Variants in ARF1 observed in about 807,000 individuals in gnomAD.
The protein encoded by ARF1 is ARF GTPase 1.
A neutral mutation model predicts 18.0 loss-of-function variants in ARF1; 1 was observed. The ratio of observed to expected loss-of-function variants is 0.06; its 90% CI spans 0.02 to 0.26. The LOEUF is 0.26. Among genes scored for constraint, ARF1 ranks in the 10% least tolerant of loss-of-function variants. The pLI is 1.00. For synonymous variants in ARF1, 112 were observed against 96.3 expected (o/e 1.16, Z -0.95); for missense variants, 73 against 247.2 (o/e 0.30, Z 4.73).
rs142007288 is a variant in ARF1 at position 228,087,335 on chromosome 1, G to A, written c.-38+4570G>A. 5.9e-4 allele frequency among the ~76,000 whole-genome samples: 90 copies of A among 152,356 alleles called. No individual in the cohort carries two copies. The East Asian group carries it at 0.017, about 28-fold the overall frequency. Reference sequence around the variant, plus strand: ...TATACTCATCCTGGGGATTGGGAACGGAGGCAGTTAGATGTGCCTGTGCTT... The same window carrying A: ...TATACTCATCCTGGGGATTGGGAACAGAGGCAGTTAGATGTGCCTGTGCTT... On this transcript the variant is annotated intron_variant, in intron 1 of 4. Coordinates refer to ENST00000272102, the MANE Select transcript of ARF1 (RefSeq NM_001658.4).
At chr1:228,095,421 G>T (rs549260892) in intron 1 of ARF1, among the ~76,000 whole-genome samples, 4 of 152,322 alleles carry the variant, frequency 2.6e-5, no homozygotes, top group African/African-American at 9.6e-5. Context: ...TGCTGCAGCT[G>T]CTCCCCTAGA....
chr1:228,098,820 C>G lies in ARF1; in HGVS notation c.*807C>G, dbSNP rs1050769389. On this transcript the variant is annotated 3_prime_UTR_variant, in exon 5 of 5. Transcript: ENST00000272102. The stretch of plus-strand genomic sequence containing the variant: ...GGGTCCGTCGTCCCCAACACTCGTG[C>G]TCGCTCAGACACTTTGGCAGGATGT... 6.6e-6 allele frequency: 1 copy of G among 152,660 alleles called. No homozygotes were observed. The highest frequency in any genetic ancestry group is 1.5e-5 in the Non-Finnish European group (1 of 68,054). The allele number at this position is 152,660 out of a possible 1,614,324, so 9.5% of individuals were successfully genotyped here. A position where few individuals can be genotyped will look rare whatever the true frequency, so the allele number is the denominator to read the frequency against.
At chr1:228,086,720 G>A (rs2032415473) in intron 1 of ARF1, among the ~76,000 whole-genome samples, 1 of 152,086 alleles carries the variant, frequency 6.6e-6, no homozygotes, top group Admixed American at 6.5e-5. Flanking sequence ...TGTATCCTTT[G>A]TAACATCCTT....
At chr1:228,084,341 CAT>C (rs2032325055) in intron 1 of ARF1, among the ~76,000 whole-genome samples, 1 of 152,244 alleles carries the variant, frequency 6.6e-6, no homozygotes, top group Non-Finnish European at 1.5e-5. Context: ...CATGTTTTCA[CAT>C]GTTGGTAGAC....
chr1:228,088,861 A>G (rs1348208996), intron 1 of ARF1, among the ~76,000 whole-genome samples: 1 of 152,162 alleles, frequency 6.6e-6, no homozygotes, highest in East Asian at 1.9e-4. Flanking sequence ...TGCTGTCTCT[A>G]CTTCCTTTTG....
At chr1:228,083,452 T>A (rs3754357) in intron 1 of ARF1, 49,123 of 152,226 alleles carry the variant, frequency 0.32, 8,644 homozygotes, top group South Asian at 0.51. Flanking sequence ...CTGAACGGAA[T>A]GCGTGGACCT....
At chr1:228,086,515 C>CA (rs796644449) in intron 1 of ARF1, among the ~76,000 whole-genome samples, 1,222 of 92,676 alleles carry the variant, frequency 0.013, 7 homozygotes, top group Non-Finnish European at 0.015. Context: ...GACTTTGTCT[C>CA]AAAAAAAAAA....
Position 228,097,613 on chromosome 1 carries a change from C to T in ARF1, c.282C>T (p.Ser94=). Reference sequence around the variant, plus strand: ...CAGGCCTGATCTTCGTGGTGGACAGCAATGACAGAGAGCGTGTGAACGAGG... The same window carrying T: ...CAGGCCTGATCTTCGTGGTGGACAGTAATGACAGAGAGCGTGTGAACGAGG... The part of the protein sequence containing the change: ...NTQGLIFVVD[S]NDRERVNEAR... Residue 94 remains serine, a synonymous_variant, in exon 4 of 5, where the codon AGC becomes AGT. Coordinates refer to ENST00000272102, the MANE Select transcript of ARF1 (RefSeq NM_001658.4). The surrounding 1 kb of genome is among the most constrained non-coding windows in gnomAD (Gnocchi z 8.1). 1 of 1,614,198 alleles carries T rather than the reference C, an allele frequency of 6.2e-7. No homozygotes were observed. Among genetic ancestry groups the T allele is most frequent in the Non-Finnish European group, 8.5e-7 (1 of 1,180,034 alleles).
intron 1 of ARF1, among the ~76,000 whole-genome samples, chr1:228,093,647 G>A (rs1021717592): frequency 3.3e-5 from 5 of 151,654 alleles, no homozygotes; most frequent in Non-Finnish European, 7.4e-5. Flanking sequence ...AAAAATCCGG[G>A]CGTGGTGGCT....
At chr1:228,087,169 T>C (rs544116588) in intron 1 of ARF1, among the ~76,000 whole-genome samples, 1 of 152,326 alleles carries the variant, frequency 6.6e-6, no homozygotes, top group East Asian at 1.9e-4. Context: ...GGGCTTCCAG[T>C]GGTAGCATGG....
In ARF1 at chr1:228,097,551, G is replaced by C. The variant is rs750890801; in HGVS notation, c.260-40G>C. ...CGATGCCCATAGATGCGGCAGGGGGGCTGTGTTCCCATGACCATTTGACAC... is the reference window on the plus strand; with the variant it reads ...CGATGCCCATAGATGCGGCAGGGGGCCTGTGTTCCCATGACCATTTGACAC... On this transcript the variant is annotated intron_variant, in intron 3 of 4. Coordinates refer to ENST00000272102, the MANE Select transcript of ARF1 (RefSeq NM_001658.4). The surrounding 1 kb of genome is among the most constrained non-coding windows in gnomAD (Gnocchi z 8.1). The C allele has an allele frequency of 6.2e-7, 1 of 1,613,736 alleles. No individual in the cohort carries two copies. The highest frequency in any genetic ancestry group is 8.5e-7 in the Non-Finnish European group (1 of 1,179,968).
At chr1:228,085,283 T>G (rs2032356552) in intron 1 of ARF1, among the ~76,000 whole-genome samples, 1 of 152,376 alleles carries the variant, frequency 6.6e-6, no homozygotes, top group South Asian at 2.1e-4. Context: ...CAGGTTAATA[T>G]TCTCCTGTGA....
At chr1:228,083,193 G>C (rs2032275839) in intron 1 of ARF1, 1 of 152,224 alleles carries the variant, frequency 6.6e-6, no homozygotes, top group Admixed American at 6.5e-5. Flanking sequence ...GGGGGCCGGT[G>C]GGGGTCGTGG....
intron 1 of ARF1, among the ~76,000 whole-genome samples, chr1:228,086,902 ATT>A (rs2032420660): frequency 6.6e-6 from 1 of 152,234 alleles, no homozygotes; most frequent in Non-Finnish European, 1.5e-5. Context: ...CAGTGTCAGA[ATT>A]GAACTGAATT....
chr1:228,090,907 C>T (rs1054923737), intron 1 of ARF1: 30 of 152,312 alleles, frequency 2.0e-4, no homozygotes, highest in African/African-American at 6.8e-4. Flanking sequence ...TTCATTGTAG[C>T]TGTGGTCAGA....
intron 1 of ARF1, among the ~76,000 whole-genome samples, chr1:228,087,394 C>T (rs1218874925): frequency 6.6e-6 from 1 of 152,220 alleles, no homozygotes; most frequent in African/African-American, 2.4e-5. Flanking sequence ...CAGTTGCTCA[C>T]TCACCAATCA....
Position 228,098,157 on chromosome 1 carries a change from C to G in ARF1, c.*144C>G. Reference sequence around the variant, plus strand: ...CACCGTGCTGTAAATGTGGCAGACGCAGCCTGCGGCCAGGCTTTTTATTTA... The same window carrying G: ...CACCGTGCTGTAAATGTGGCAGACGGAGCCTGCGGCCAGGCTTTTTATTTA... On this transcript the variant is annotated 3_prime_UTR_variant, in exon 5 of 5. Transcript: ENST00000272102. 11 of 970,656 alleles carry G rather than the reference C, an allele frequency of 1.1e-5. No homozygotes were observed. Among genetic ancestry groups the G allele is most frequent in the Non-Finnish European group, 1.6e-5 (11 of 687,096 alleles). 60.1% of individuals were successfully genotyped at this position (970,656 alleles called of 1,614,324 possible).
chr1:228,087,277 G>C, intron 1 of ARF1, among the ~76,000 whole-genome samples: 1 of 152,168 alleles, frequency 6.6e-6, no homozygotes, highest in Non-Finnish European at 1.5e-5. Context: ...TTATAGGTTT[G>C]ATTTAGGTAC....
At chr1:228,085,883 C>T (rs2032378854) in intron 1 of ARF1, among the ~76,000 whole-genome samples, 1 of 152,304 alleles carries the variant, frequency 6.6e-6, no homozygotes, top group Non-Finnish European at 1.5e-5. Flanking sequence ...TCTGGCCTGC[C>T]TCCCATTTCC....
Sources: gnomAD v4.1 joint callset for allele counts (sites outside exome capture counted in the v4.1 genomes callset) on GRCh38, gnomAD v4.1.1 for gene constraint, Gnocchi (gnomAD v3.1) non-coding constraint, MANE v1.5 for transcripts, NCBI Gene and HGNC (gene_info 2026-07-23, HGNC 2026-07-21) for gene names.